ANKRD12: variants seen among roughly 807,000 people sequenced by gnomAD.
ANKRD12 encodes the protein ankyrin repeat domain-containing protein 12.
Under a neutral mutation model 183.4 loss-of-function variants are expected in ANKRD12, and 85 were observed. That is an observed-to-expected ratio of 0.46 (90% CI 0.39 to 0.56). The LOEUF (loss-of-function observed/expected upper bound fraction) is 0.56, where lower values mean the gene tolerates loss of function less well. ANKRD12 is among the 20% of genes least tolerant of loss of function. ANKRD12 has a pLI of 0.00. For synonymous variants in ANKRD12, 914 were observed against 800.2 expected (o/e 1.14, Z -2.40); for missense variants, 2,405 against 2,357.1 (o/e 1.02, Z -0.42).
chr18:9,194,320 T>C (rs544846596), intron 2 of ANKRD12, among the ~76,000 whole-genome samples: 3 of 143,366 alleles, frequency 2.1e-5, no homozygotes, highest in Non-Finnish European at 3.0e-5. Flanking sequence ...ACTACTGATA[T>C]AGATAATTTT....
chr18:9,175,314 C>A (rs1472371926), intron 1 of ANKRD12, among the ~76,000 whole-genome samples: 1 of 152,042 alleles, frequency 6.6e-6, no homozygotes, highest in African/African-American at 2.4e-5. Context: ...TATTTCTGTT[C>A]CCCATAGTCC....
In ANKRD12 at chr18:9,162,405, A is replaced by G. The variant is rs181747515; in HGVS notation, c.-51-19977A>G. Among the ~76,000 whole-genome samples the G allele has an allele frequency of 1.9e-4, 29 of 152,278 alleles. No homozygotes were observed. In the East Asian group the frequency reaches 4.2e-3, roughly 22 times the overall value. On this transcript the variant is annotated intron_variant, in intron 1 of 12. Transcript: ENST00000262126. ...TCTTTCCTTTTTATGGCTGCATAGTATTCTGTGGTGTATGTTTACCACATT... is the reference window on the plus strand; with the variant it reads ...TCTTTCCTTTTTATGGCTGCATAGTGTTCTGTGGTGTATGTTTACCACATT...
At chr18:9,272,005 G>A (rs557070315) in intron 10 of ANKRD12, among the ~76,000 whole-genome samples, 1 of 152,232 alleles carries the variant, frequency 6.6e-6, no homozygotes, top group African/African-American at 2.4e-5. Context: ...AATGAACAAA[G>A]TTTACAGCCA....
chr18:9,265,949 A>G (rs1242463074), intron 10 of ANKRD12, among the ~76,000 whole-genome samples: 1 of 152,224 alleles, frequency 6.6e-6, no homozygotes, highest in African/African-American at 2.4e-5. Context: ...ACTGAAAACC[A>G]AGGCACGAGA....
intron 8 of ANKRD12, among the ~76,000 whole-genome samples, chr18:9,245,397 G>C (rs943890537): frequency 1.3e-5 from 2 of 152,132 alleles, no homozygotes; most frequent in Non-Finnish European, 2.9e-5. Flanking sequence ...GCTACAGTGA[G>C]CTGTGAACAC....
At chr18:9,165,566 GGCTATTCTAAGTACT>G (rs2031949408) in intron 1 of ANKRD12, among the ~76,000 whole-genome samples, 1 of 152,008 alleles carries the variant, frequency 6.6e-6, no homozygotes, top group African/African-American at 2.4e-5. Context: ...CTATGAATTT[GGCTATTCTAAGTACT>G]TCACACAAGT....
intron 10 of ANKRD12, among the ~76,000 whole-genome samples, chr18:9,273,805 A>G (rs2039713649): frequency 6.6e-6 from 1 of 152,222 alleles, no homozygotes; most frequent in South Asian, 2.1e-4. Flanking sequence ...CTCCCAGAGC[A>G]TTGAGATTAC....
At chr18:9,220,462 C>T (rs1431243541) in intron 7 of ANKRD12, among the ~76,000 whole-genome samples, 1 of 152,142 alleles carries the variant, frequency 6.6e-6, no homozygotes. Flanking sequence ...GAGGCAGAAT[C>T]AATAACACCT....
intron 1 of ANKRD12, among the ~76,000 whole-genome samples, chr18:9,177,307 A>C (rs964004563): frequency 6.6e-6 from 1 of 152,204 alleles, no homozygotes; most frequent in Non-Finnish European, 1.5e-5. Flanking sequence ...ACCGCTATGC[A>C]TCATTGCCCG....
chr18:9,222,300 A>G (rs1296364898), intron 8 of ANKRD12, among the ~76,000 whole-genome samples: 1 of 152,084 alleles, frequency 6.6e-6, no homozygotes, highest in Non-Finnish European at 1.5e-5. Context: ...AGCTACCACC[A>G]CTGCTACTCT....
At chr18:9,175,558 GTC>G (rs2033195879) in intron 1 of ANKRD12, among the ~76,000 whole-genome samples, 1 of 54,194 alleles carries the variant, frequency 1.8e-5, no homozygotes, top group Non-Finnish European at 3.9e-5. Context: ...TTTTGAGACA[GTC>G]TCTGTCATGC....
chr18:9,241,861 C>G (rs955330758), intron 8 of ANKRD12, among the ~76,000 whole-genome samples: 25 of 151,194 alleles, frequency 1.7e-4, no homozygotes, highest in African/African-American at 5.1e-4. Flanking sequence ...CAGCCTAGCT[C>G]CAAAGCCCAA....
chr18:9,148,695 C>T (rs1049323511), intron 1 of ANKRD12, among the ~76,000 whole-genome samples: 2 of 152,124 alleles, frequency 1.3e-5, no homozygotes, highest in East Asian at 3.8e-4. Flanking sequence ...TGTGATCCTC[C>T]CCCCGCCACA....
chr18:9,246,157 A>G (rs933872736), intron 8 of ANKRD12, among the ~76,000 whole-genome samples: 8 of 151,238 alleles, frequency 5.3e-5, no homozygotes, highest in Admixed American at 1.3e-4. Context: ...CTACTTAGCT[A>G]TAGAAACTTT....
chr18:9,190,061 G>T (rs1304615770), intron 2 of ANKRD12, among the ~76,000 whole-genome samples: 1 of 152,200 alleles, frequency 6.6e-6, no homozygotes, highest in Non-Finnish European at 1.5e-5. Context: ...CATTTTAGAT[G>T]CCATTAAAAA....
rs2040164739 is a variant in ANKRD12 at position 9,283,338 on chromosome 18, TCTCA to T, written c.*2216_*2219del. On this transcript the variant is annotated 3_prime_UTR_variant, in exon 13 of 13. Transcript: ENST00000262126. Reference sequence around the variant, plus strand: ...CCAGCTTTTTAGTCTTAACCACAGTTCTCACTCTCTTAAATGGTACCTCAAAAAG... The same window carrying T: ...CCAGCTTTTTAGTCTTAACCACAGTTCTCTCTTAAATGGTACCTCAAAAAG... 1.3e-5 allele frequency: 2 copies of T among 152,164 alleles called. No homozygotes were observed. Among genetic ancestry groups the T allele is most frequent in the South Asian group, 4.1e-4 (2 of 4,830 alleles). The allele number at this position is 152,164 out of a possible 1,614,324, so 9.4% of individuals were successfully genotyped here. A position where few individuals can be genotyped will look rare whatever the true frequency, so the allele number is the denominator to read the frequency against.
At chr18:9,193,552 T>C (rs779064074) in intron 2 of ANKRD12, among the ~76,000 whole-genome samples, 5 of 152,174 alleles carry the variant, frequency 3.3e-5, no homozygotes, top group Non-Finnish European at 7.3e-5. Context: ...TTTCTCTGTT[T>C]TTCATTATTA....
intron 3 of ANKRD12, among the ~76,000 whole-genome samples, chr18:9,203,436 C>A (rs561066956): frequency 6.6e-6 from 1 of 152,100 alleles, no homozygotes; most frequent in African/African-American, 2.4e-5. Context: ...ATATGAAGAA[C>A]ACAATAATAT....
At chr18:9,140,008 G>A (rs948207844) in intron 1 of ANKRD12, among the ~76,000 whole-genome samples, 9 of 152,116 alleles carry the variant, frequency 5.9e-5, no homozygotes, top group African/African-American at 2.2e-4. Context: ...GAGAAGGCCT[G>A]GGTTTAAATT....
Sources: allele counts gnomAD v4.1 joint callset (sites outside exome capture counted in the v4.1 genomes callset), GRCh38; gene constraint gnomAD v4.1.1; transcripts MANE v1.5; gene names NCBI Gene and HGNC (gene_info 2026-07-23, HGNC 2026-07-21).